BMP5: variants seen among roughly 807,000 people sequenced by gnomAD.
The protein encoded by BMP5 is bone morphogenetic protein 5.
BMP5 carries 23 observed loss-of-function variants against 46.6 expected under a neutral mutation model. That is an observed-to-expected ratio of 0.49 (90% CI 0.35 to 0.70). BMP5 has a LOEUF of 0.70. Ranked by LOEUF, BMP5 falls within the 30% of genes least tolerant of loss-of-function variation. The pLI is 0.00. For synonymous variants in BMP5, 204 were observed against 191.9 expected (o/e 1.06, Z -0.52); for missense variants, 545 against 565.6 (o/e 0.96, Z 0.37).
chr6:55,847,509 C>G (rs1261844594), intron 1 of BMP5, among the ~76,000 whole-genome samples: 1 of 151,858 alleles, frequency 6.6e-6, no homozygotes, highest in Non-Finnish European at 1.5e-5. Context: ...AATTGCATTA[C>G]CGTTAGTCGT....
chr6:55,873,749 T>A (rs902516958), intron 1 of BMP5, among the ~76,000 whole-genome samples: 1 of 152,026 alleles, frequency 6.6e-6, no homozygotes, highest in Non-Finnish European at 1.5e-5. Flanking sequence ...GTGAAAAAAA[T>A]CAAGTAGCTA....
intron 1 of BMP5, among the ~76,000 whole-genome samples, chr6:55,848,225 C>T (rs1777145420): frequency 1.3e-5 from 2 of 151,856 alleles, no homozygotes; most frequent in South Asian, 4.1e-4. Flanking sequence ...GAATAAATAT[C>T]CTGCAAAAAT....
At chr6:55,763,014 C>A (rs1321614620) in intron 4 of BMP5, among the ~76,000 whole-genome samples, 1 of 151,900 alleles carries the variant, frequency 6.6e-6, no homozygotes, top group Non-Finnish European at 1.5e-5. Flanking sequence ...CCTTCTTTTC[C>A]ACGCAAACAT....
chr6:55,857,698 G>A (rs1321265481), intron 1 of BMP5, among the ~76,000 whole-genome samples: 2 of 152,118 alleles, frequency 1.3e-5, no homozygotes, highest in South Asian at 2.1e-4. Flanking sequence ...CATTTATTTA[G>A]TAATCCTTCT....
intron 2 of BMP5, among the ~76,000 whole-genome samples, chr6:55,799,301 A>C (rs1775788482): frequency 6.6e-6 from 1 of 152,186 alleles, no homozygotes; most frequent in African/African-American, 2.4e-5. Context: ...TTGACCTATG[A>C]GTTTTGGGAA....
intron 4 of BMP5, among the ~76,000 whole-genome samples, chr6:55,764,846 TA>T (rs1474495101): frequency 1.3e-5 from 2 of 152,152 alleles, no homozygotes; most frequent in African/African-American, 4.8e-5. Context: ...TACAGCTTTT[TA>T]AAAAACTTAC....
At chr6:55,809,456 G>A (rs1222607151) in intron 2 of BMP5, among the ~76,000 whole-genome samples, 1 of 151,830 alleles carries the variant, frequency 6.6e-6, no homozygotes, top group South Asian at 2.1e-4. Flanking sequence ...CCACCTCTCA[G>A]TTCTACTGGA....
At chr6:55,818,845 C>A in intron 2 of BMP5, among the ~76,000 whole-genome samples, 1 of 151,992 alleles carries the variant, frequency 6.6e-6, no homozygotes, top group East Asian at 1.9e-4. Context: ...AAAAGGAAGA[C>A]CTAGATGTGA....
intron 2 of BMP5, among the ~76,000 whole-genome samples, chr6:55,816,812 C>T (rs558154478): frequency 5.7e-4 from 84 of 148,380 alleles, no homozygotes; most frequent in African/African-American, 1.9e-3. Flanking sequence ...TGTGCACGTA[C>T]GTGTGTGTGT....
chr6:55,767,076 A>T (rs566574633), intron 4 of BMP5, among the ~76,000 whole-genome samples: 23 of 152,092 alleles, frequency 1.5e-4, no homozygotes, highest in African/African-American at 5.5e-4. Context: ...CTTCCTGTGG[A>T]TTTTTCCTAG....
At chr6:55,866,991 T>G (rs1777656040) in intron 1 of BMP5, among the ~76,000 whole-genome samples, 1 of 152,220 alleles carries the variant, frequency 6.6e-6, no homozygotes, top group Admixed American at 6.6e-5. Flanking sequence ...GAACACTTGC[T>G]GACTAAACAA....
At chr6:55,822,334 T>C (rs1389034934) in intron 1 of BMP5, among the ~76,000 whole-genome samples, 1 of 152,150 alleles carries the variant, frequency 6.6e-6, no homozygotes, top group Non-Finnish European at 1.5e-5. Context: ...AGAAGTTAAC[T>C]GACATGAAGT....
intron 3 of BMP5, among the ~76,000 whole-genome samples, chr6:55,785,028 C>CA (rs1378445453): frequency 1.3e-5 from 2 of 151,748 alleles, no homozygotes; most frequent in African/African-American, 4.8e-5. Flanking sequence ...AGTAAGCTCT[C>CA]AGCAATGTTA....
chr6:55,826,294 C>T (rs1475005102), intron 1 of BMP5, among the ~76,000 whole-genome samples: 2 of 151,170 alleles, frequency 1.3e-5, no homozygotes, highest in African/African-American at 4.8e-5. Context: ...AAATTTTCTA[C>T]AGTTATTATC....
intron 1 of BMP5, among the ~76,000 whole-genome samples, chr6:55,836,595 T>G (rs762544999): frequency 7.4e-5 from 11 of 148,922 alleles, no homozygotes; most frequent in Non-Finnish European, 1.2e-4. Context: ...CTGCCTAACC[T>G]CACCCCACCA....
chr6:55,764,734 A>T (rs1050268352), intron 4 of BMP5, among the ~76,000 whole-genome samples: 1 of 151,502 alleles, frequency 6.6e-6, no homozygotes, highest in African/African-American at 2.4e-5. Context: ...AAAAAAAAAA[A>T]GATCTCCTGA....
chr6:55,819,088 T>C (rs894132363), intron 2 of BMP5, among the ~76,000 whole-genome samples: 2 of 152,176 alleles, frequency 1.3e-5, no homozygotes, highest in African/African-American at 4.8e-5. Context: ...AAATGACTGA[T>C]ATTTAACACT....
At chr6:55,766,133 T>G (rs1339953940) in intron 4 of BMP5, among the ~76,000 whole-genome samples, 1 of 152,196 alleles carries the variant, frequency 6.6e-6, no homozygotes, top group East Asian at 1.9e-4. Context: ...CACTATTTAA[T>G]CTAGGTATCC....
chr6:55,806,709 T>C (rs553014143), intron 2 of BMP5, among the ~76,000 whole-genome samples: 5 of 152,208 alleles, frequency 3.3e-5, no homozygotes, highest in South Asian at 2.1e-4. Flanking sequence ...AAGAATAGAA[T>C]GTTTTTCCAT....
Sources: allele counts gnomAD v4.1 joint callset (sites outside exome capture counted in the v4.1 genomes callset), GRCh38; gene constraint gnomAD v4.1.1; transcripts MANE v1.5; gene names NCBI Gene and HGNC (gene_info 2026-07-23, HGNC 2026-07-21).